The following SLMAP variants were observed in gnomAD, a reference collection of about 807,000 sequenced individuals.
SLMAP encodes the protein sarcolemmal membrane-associated protein.
Under a neutral mutation model 128.8 loss-of-function variants are expected in SLMAP, and 44 were observed. The ratio of observed to expected loss-of-function variants is 0.34; its 90% CI spans 0.27 to 0.44. The LOEUF (loss-of-function observed/expected upper bound fraction) is 0.44, where lower values mean the gene tolerates loss of function less well. Among genes scored for constraint, SLMAP ranks in the 20% least tolerant of loss-of-function variants. The probability of loss-of-function intolerance (pLI) is 1.00; values close to 1 mark genes in which losing one functional copy is unlikely to be tolerated. For missense variants in SLMAP, 787 were observed against 985.3 expected, an observed-to-expected ratio of 0.80 and a Z score of 2.69; for synonymous variants, 327 against 348.8, an observed-to-expected ratio of 0.94 and a Z score of 0.70.
At chr3:57,809,491 AGCTCAGCACTG>A (rs1181676116) in intron 2 of SLMAP, among the ~76,000 whole-genome samples, 8 of 152,282 alleles carry the variant, frequency 5.3e-5, no homozygotes, top group African/African-American at 1.9e-4. Context: ...GGCTGAGGGA[AGCTCAGCACTG>A]GCCTACAGGT....
At chr3:57,879,232 T>C (rs2095670125) in intron 14 of SLMAP, among the ~76,000 whole-genome samples, 1 of 152,264 alleles carries the variant, frequency 6.6e-6, no homozygotes, top group Admixed American at 6.5e-5. Context: ...GTAATATGGT[T>C]AGTACATAAT....
chr3:57,805,841 C>A (rs73834739), intron 2 of SLMAP, among the ~76,000 whole-genome samples: 1,929 of 152,198 alleles, frequency 0.013, 46 homozygotes, highest in African/African-American at 0.044. Context: ...CAACCCCACA[C>A]TATGTTGTGT....
chr3:57,908,405 C>G (rs1406212503), intron 18 of SLMAP, among the ~76,000 whole-genome samples: 1 of 152,170 alleles, frequency 6.6e-6, no homozygotes. Context: ...GTGCAGTTCC[C>G]TAGAGCTTAC....
chr3:57,919,663 G>T (rs775023896), intron 22 of SLMAP, among the ~76,000 whole-genome samples: 5 of 151,270 alleles, frequency 3.3e-5, no homozygotes, highest in Non-Finnish European at 5.9e-5. Context: ...GCATGGTGGC[G>T]CATGCCTGTA....
intron 5 of SLMAP, among the ~76,000 whole-genome samples, chr3:57,847,658 A>G (rs2094318251): frequency 6.6e-6 from 1 of 152,112 alleles, no homozygotes; most frequent in African/African-American, 2.4e-5. Flanking sequence ...TTTGAAGGTT[A>G]CTTTTTACCT....
At chr3:57,902,692 G>GCTATGACTC (rs2096420210) in intron 17 of SLMAP, among the ~76,000 whole-genome samples, 1 of 152,154 alleles carries the variant, frequency 6.6e-6, no homozygotes, top group South Asian at 2.1e-4. Context: ...ATGGAAGTCA[G>GCTATGACTC]CTATGACTCC....
chr3:57,825,866 A>G (rs1340859971), intron 2 of SLMAP, among the ~76,000 whole-genome samples: 5 of 152,076 alleles, frequency 3.3e-5, no homozygotes, highest in African/African-American at 1.2e-4. Flanking sequence ...AAGCTTTCCT[A>G]TATTTTAATT....
In SLMAP at chr3:57,757,816, C is replaced by T. The variant is rs1014874996; in HGVS notation, c.165C>T (p.His55=). 4 of 1,614,204 alleles carry T rather than the reference C, an allele frequency of 2.5e-6. No homozygotes were observed. The highest frequency in any genetic ancestry group is 2.2e-5 in the East Asian group (1 of 44,876). Residue 55 remains histidine (H), a synonymous_variant, in exon 2 of 25, where the codon CAC becomes CAT. Coordinates refer to ENST00000671191, the MANE Select transcript of SLMAP (RefSeq NM_001377540.1). ...ATTGCAAAGTGCTATCAAGGAACCACGCTCTCGTCTGGTTTGATCACAAGA... is the reference window on the plus strand; with the variant it reads ...ATTGCAAAGTGCTATCAAGGAACCATGCTCTCGTCTGGTTTGATCACAAGA... ...TFDCKVLSRN[H]ALVWFDHKTG...
chr3:57,848,424 C>T lies in SLMAP; in HGVS notation c.456+1191C>T, dbSNP rs373003784. 1.5e-3 allele frequency among the ~76,000 whole-genome samples: 227 copies of T among 150,626 alleles called. 2 individuals are homozygous for T. Among genetic ancestry groups the T allele is most frequent in the African/African-American group, 5.1e-3 (209 of 40,890 alleles). The stretch of plus-strand genomic sequence containing the variant: ...TCTTCTTTCTTCCTTCTTTCTTCTT[C>T]CTTCTTTTTTCTTCTTCGTCCTTCT... On this transcript the variant is annotated intron_variant, in intron 5 of 24. Transcript: ENST00000671191.
chr3:57,861,052 A>C (rs886991014), intron 9 of SLMAP, among the ~76,000 whole-genome samples: 2 of 152,164 alleles, frequency 1.3e-5, no homozygotes, highest in African/African-American at 4.8e-5. Flanking sequence ...GAGGAAATAA[A>C]AGCGTAACCA....
intron 3 of SLMAP, among the ~76,000 whole-genome samples, chr3:57,839,445 T>TC (rs2093811142): frequency 2.1e-5 from 3 of 140,752 alleles, no homozygotes; most frequent in Admixed American, 1.4e-4. Flanking sequence ...TTTTTTTTTT[T>TC]TTTTTTTTTT....
In SLMAP at chr3:57,912,539, G is replaced by A. The variant is rs1212039824; in HGVS notation, c.1858G>A (p.Ala620Thr). 1 of 1,614,182 alleles carries A rather than the reference G, an allele frequency of 6.2e-7. No homozygotes were observed. The highest frequency in any genetic ancestry group is 1.1e-5 in the South Asian group (1 of 91,080). The change falls in exon 20 of 25, where the codon GCT (alanine) becomes ACT (threonine). Residue 620 changes from alanine to threonine, a missense_variant. Transcript: ENST00000671191. ...KVASERDTDI[A>T]SLQEELKKVR... ...TGCCTCTGAGCGGGACACTGACATT[G>A]CTTCTTTACAAGAAGAGCTTAAGAA...
intron 2 of SLMAP, among the ~76,000 whole-genome samples, chr3:57,768,570 A>G (rs549598283): frequency 1.3e-5 from 2 of 152,282 alleles, no homozygotes; most frequent in South Asian, 4.1e-4. Context: ...GTAAATTCAT[A>G]GAAACAAAGA....
chr3:57,885,742 A>G (rs902724028), intron 14 of SLMAP, among the ~76,000 whole-genome samples: 4 of 56,014 alleles, frequency 7.1e-5, no homozygotes, highest in Non-Finnish European at 1.5e-4. Flanking sequence ...TGTTGTTGTT[A>G]TTGTTGTTTT....
At chr3:57,896,323 A>G in intron 15 of SLMAP, 188 bp from the exon 16 acceptor site, 1 of 1,330,470 alleles carries the variant, frequency 7.5e-7, no homozygotes, top group South Asian at 2.0e-5. Context: ...ATTTAATATG[A>G]GCTACGTGTA....
intron 13 of SLMAP, among the ~76,000 whole-genome samples, chr3:57,868,406 C>T (rs2095364435): frequency 6.6e-6 from 1 of 151,502 alleles, no homozygotes; most frequent in African/African-American, 2.4e-5. Flanking sequence ...AGTGAGACCC[C>T]ATCTCTAAAA....
At chr3:57,779,003 T>C (rs2082467807) in intron 2 of SLMAP, among the ~76,000 whole-genome samples, 1 of 152,152 alleles carries the variant, frequency 6.6e-6, no homozygotes. Flanking sequence ...CAAGCATGTT[T>C]ATAGTAGGAT....
At chr3:57,896,755 T>G in intron 16 of SLMAP, 118 bp from the exon 17 acceptor site, 1 of 1,396,332 alleles carries the variant, frequency 7.2e-7, no homozygotes, top group Non-Finnish European at 9.7e-7. Context: ...TAAAACTACT[T>G]TCAACTACCC....
intron 13 of SLMAP, among the ~76,000 whole-genome samples, chr3:57,869,631 T>TATATATATATATATATATATATATATATA (rs2095423541): frequency 3.4e-4 from 5 of 14,816 alleles, no homozygotes; most frequent in African/African-American, 1.3e-3. Flanking sequence ...CCATCTCTAT[T>TATATATATATATATATATATATATATATA]ATATATATAT....
Sources: allele counts gnomAD v4.1 joint callset (sites outside exome capture counted in the v4.1 genomes callset), GRCh38; gene constraint gnomAD v4.1.1; transcripts MANE v1.5; gene names NCBI Gene and HGNC (gene_info 2026-07-23, HGNC 2026-07-21).